PRKG1: variants seen among roughly 807,000 people sequenced by gnomAD.
PRKG1 encodes protein kinase cGMP-dependent 1.
PRKG1 carries 35 observed loss-of-function variants against 88.1 expected under a neutral mutation model. That is an observed-to-expected ratio of 0.40 (90% CI 0.30 to 0.53). PRKG1 has a LOEUF of 0.53. PRKG1 is among the 20% of genes least tolerant of loss of function. The pLI, the probability that PRKG1 is intolerant of heterozygous loss-of-function variation, is 0.59. For missense variants in PRKG1, 540 were observed against 839.8 expected (o/e 0.64, Z 4.41); for synonymous variants, 303 against 292.5 (o/e 1.04, Z -0.37).
intron 2 of PRKG1, among the ~76,000 whole-genome samples, chr10:51,419,429 GTCA>G (rs1838345411): frequency 6.6e-6 from 1 of 152,048 alleles, no homozygotes; most frequent in Non-Finnish European, 1.5e-5. Context: ...ACGTTTTTTG[GTCA>G]TTATTATTAT....
rs555555257 is a variant in PRKG1 at position 51,552,489 on chromosome 10, A to G, written c.592+84653A>G. Among the ~76,000 whole-genome samples the G allele has an allele frequency of 4.0e-5, 6 of 151,804 alleles. No individual in the cohort carries two copies. In the East Asian group the frequency reaches 1.2e-3, roughly 29 times the overall value. On this transcript the variant is annotated intron_variant, in intron 3 of 17. Coordinates refer to ENST00000373980, the MANE Select transcript of PRKG1 (RefSeq NM_006258.4). ...GCTTCTTCTCACATATAGTAGCTAGATCATGATTCTCAATGTCATTCAATC... is the reference window on the plus strand; with the variant it reads ...GCTTCTTCTCACATATAGTAGCTAGGTCATGATTCTCAATGTCATTCAATC...
chr10:51,323,455 C>T (rs1488344688), intron 2 of PRKG1, among the ~76,000 whole-genome samples: 3 of 152,110 alleles, frequency 2.0e-5, no homozygotes, highest in Non-Finnish European at 4.4e-5. Context: ...TAATCAAGAA[C>T]AAGTTATTTA....
chr10:51,562,735 A>T (rs1837500914), intron 3 of PRKG1, among the ~76,000 whole-genome samples: 1 of 152,112 alleles, frequency 6.6e-6, no homozygotes, highest in African/African-American at 2.4e-5. Context: ...ATCAACATTT[A>T]TCAATGTTAT....
At chr10:51,535,046 GT>G (rs1842112829) in intron 3 of PRKG1, among the ~76,000 whole-genome samples, 1 of 152,112 alleles carries the variant, frequency 6.6e-6, no homozygotes, top group South Asian at 2.1e-4. Flanking sequence ...AAAAATAGAA[GT>G]TTTTTGGGAA....
At position 51,550,334 on chromosome 10, in the gene PRKG1, G is replaced by A. The variant is rs371012467; in HGVS notation, c.592+82498G>A. Among the ~76,000 whole-genome samples the A allele has an allele frequency of 8.6e-5, 13 of 152,046 alleles. No individual in the cohort carries two copies. In the East Asian group the frequency reaches 2.1e-3, roughly 25 times the overall value. On this transcript the variant is annotated intron_variant, in intron 3 of 17. Coordinates refer to ENST00000373980, the MANE Select transcript of PRKG1 (RefSeq NM_006258.4). ...GGAAGTCATTTTCTAAACAAGATTT[G>A]AGCTAATGCTATACTTTGTCTTTTC...
At chr10:52,138,161 C>A (rs1215982615) in intron 8 of PRKG1, among the ~76,000 whole-genome samples, 2 of 151,922 alleles carry the variant, frequency 1.3e-5, no homozygotes, top group Non-Finnish European at 2.9e-5. Context: ...CCCTGCATGT[C>A]TCTCCCACTC....
intron 1 of PRKG1, among the ~76,000 whole-genome samples, chr10:51,111,631 A>G (rs557616114): frequency 8.3e-4 from 127 of 152,290 alleles, no homozygotes; most frequent in Non-Finnish European, 1.6e-3. Context: ...CAGTTGGGCA[A>G]TAGCAGGATG....
intron 3 of PRKG1, among the ~76,000 whole-genome samples, chr10:51,788,267 G>C (rs1041226495): frequency 6.6e-6 from 1 of 152,046 alleles, no homozygotes; most frequent in East Asian, 1.9e-4. Flanking sequence ...CTCTGCATTC[G>C]TGTCAATTAC....
chr10:51,017,100 C>T (rs1325632836), intron 1 of PRKG1, among the ~76,000 whole-genome samples: 7 of 151,856 alleles, frequency 4.6e-5, no homozygotes, highest in African/African-American at 1.7e-4. Flanking sequence ...CAGCCAATCC[C>T]GACTAAATTA....
intron 2 of PRKG1, among the ~76,000 whole-genome samples, chr10:51,170,990 G>A (rs1345511123): frequency 6.6e-6 from 1 of 152,130 alleles, no homozygotes; most frequent in Non-Finnish European, 1.5e-5. Flanking sequence ...CAGCTAGAAA[G>A]CTATTAAATA....
intron 2 of PRKG1, among the ~76,000 whole-genome samples, chr10:51,258,788 A>G (rs1589287007): frequency 6.6e-6 from 1 of 152,224 alleles, no homozygotes; most frequent in African/African-American, 2.4e-5. Context: ...TTACAAATCT[A>G]CCCACTTGGC....
chr10:51,789,901 A>C (rs1406102666), intron 3 of PRKG1, among the ~76,000 whole-genome samples: 1 of 151,824 alleles, frequency 6.6e-6, no homozygotes, highest in African/African-American at 2.4e-5. Flanking sequence ...GAGTCACTGC[A>C]ACCTCTGCCT....
chr10:51,211,788 T>C (rs1045110903), intron 2 of PRKG1, among the ~76,000 whole-genome samples: 4 of 152,100 alleles, frequency 2.6e-5, no homozygotes, highest in Non-Finnish European at 4.4e-5. Flanking sequence ...CAAGGAGAAT[T>C]ACAAACCACT....
chr10:51,030,985 A>C (rs1251841447), intron 1 of PRKG1, among the ~76,000 whole-genome samples: 1 of 152,120 alleles, frequency 6.6e-6, no homozygotes, highest in Non-Finnish European at 1.5e-5. Flanking sequence ...CATTTGATTC[A>C]CTGATTTTAA....
intron 3 of PRKG1, among the ~76,000 whole-genome samples, chr10:51,770,379 A>G (rs953195910): frequency 6.6e-6 from 1 of 152,250 alleles, no homozygotes; most frequent in Non-Finnish European, 1.5e-5. Flanking sequence ...TGGAAGGGCC[A>G]TCAGCAGTAT....
At chr10:51,191,867 A>G (rs1837639790) in intron 2 of PRKG1, among the ~76,000 whole-genome samples, 1 of 151,834 alleles carries the variant, frequency 6.6e-6, no homozygotes, top group African/African-American at 2.4e-5. Flanking sequence ...GAGTTTTTCC[A>G]GCCTTCCTAC....
intron 3 of PRKG1, among the ~76,000 whole-genome samples, chr10:51,500,498 G>A (rs1258125703): frequency 6.6e-6 from 1 of 152,138 alleles, no homozygotes; most frequent in Non-Finnish European, 1.5e-5. Flanking sequence ...CTTAGGTTCA[G>A]GTATCAGACA....
chr10:51,074,388 GAAGTGGAATCTGCACTGA>G, upstream of PRKG1: 23 of 1,356,720 alleles, frequency 1.7e-5, no homozygotes, highest in Non-Finnish European at 2.3e-5. Flanking sequence ...CCAGCCCAGA[GAAGTGGAATCTGCACTGA>G]AACTCTGGGT....
At position 52,233,625 on chromosome 10, in the gene PRKG1, C is replaced by G. The variant is rs12414837; in HGVS notation, c.1077-17945C>G. ...TCAGACCGGCTTAAAAAACGGCGCA[C>G]CACGAGACTATATCCCACACCTGGC... On this transcript the variant is annotated intron_variant, in intron 9 of 17. Transcript: ENST00000373980. 0.03 allele frequency among the ~76,000 whole-genome samples: 4,312 copies of G among 145,550 alleles called. 254 individuals carry two copies. The East Asian group carries it at 0.32, about 11-fold the overall frequency.
Sources: allele counts gnomAD v4.1 joint callset (sites outside exome capture counted in the v4.1 genomes callset), GRCh38; gene constraint gnomAD v4.1.1; transcripts MANE v1.5; gene names NCBI Gene and HGNC (gene_info 2026-07-23, HGNC 2026-07-21).